Variants in ATP9A observed in about 807,000 individuals in gnomAD.
The protein encoded by ATP9A is probable phospholipid-transporting ATPase IIA.
ATP9A carries 52 observed loss-of-function variants against 144.1 expected under a neutral mutation model. The observed-to-expected ratio is 0.36, with a 90% CI of 0.29 to 0.45. The LOEUF is 0.45. ATP9A is among the 20% of genes least tolerant of loss of function. The pLI, the probability that ATP9A is intolerant of heterozygous loss-of-function variation, is 1.00. For synonymous variants in ATP9A, 582 were observed against 557.4 expected, an observed-to-expected ratio of 1.04 and a Z score of -0.62; for missense variants, 947 against 1,392.7, an observed-to-expected ratio of 0.68 and a Z score of 5.09.
At chr20:51,694,472 G>A (rs924628449) in intron 6 of ATP9A, among the ~76,000 whole-genome samples, 13 of 152,168 alleles carry the variant, frequency 8.5e-5, no homozygotes, top group Admixed American at 3.3e-4. Flanking sequence ...GCCAGGCATC[G>A]CCAGCACCTT....
intron 1 of ATP9A, among the ~76,000 whole-genome samples, chr20:51,730,383 G>A (rs140870770): frequency 1.1e-3 from 172 of 152,274 alleles, no homozygotes; most frequent in African/African-American, 3.8e-3. Context: ...GAGGATAATC[G>A]CTTGAAACCA....
chr20:51,757,645 C>T (rs901596732), intron 1 of ATP9A, among the ~76,000 whole-genome samples: 3 of 152,170 alleles, frequency 2.0e-5, no homozygotes, highest in African/African-American at 7.2e-5. Flanking sequence ...TGGCTGCTGC[C>T]TGTAGTCCCA....
chr20:51,660,989 A>G (rs2077408217), intron 13 of ATP9A, among the ~76,000 whole-genome samples: 1 of 152,232 alleles, frequency 6.6e-6, no homozygotes, highest in Admixed American at 6.5e-5. Context: ...ACACGAGGTC[A>G]GAAGTGACTT....
intron 8 of ATP9A, among the ~76,000 whole-genome samples, chr20:51,689,826 C>T (rs900404182): frequency 4.6e-5 from 7 of 151,702 alleles, no homozygotes; most frequent in African/African-American, 1.7e-4. Flanking sequence ...TAAAAGAGGA[C>T]AAAGTCAGGT....
chr20:51,608,060 A>AAAG (rs1555827504), intron 25 of ATP9A, among the ~76,000 whole-genome samples: 1 of 148,474 alleles, frequency 6.7e-6, no homozygotes. Context: ...AAAAAAAAAA[A>AAAG]GAATTAACAT....
In ATP9A at chr20:51,622,127, C is replaced by A. The variant is rs754881577; in HGVS notation, c.2062G>T (p.Ala688Ser). 1 of 1,614,036 alleles carries A rather than the reference C, an allele frequency of 6.2e-7. No homozygotes were observed. The highest frequency in any genetic ancestry group is 8.5e-7 in the Non-Finnish European group (1 of 1,180,040). Reference sequence around the variant, plus strand: ...CTGGTCACCAGATGTGCATTCTTCGCTGTGCACGTAGCTGTCTCCAGCTTG... The same window carrying A: ...CTGGTCACCAGATGTGCATTCTTCGATGTGCACGTAGCTGTCTCCAGCTTG... ...GDKLETATCTAKNAHLVTRNQ... is the reference protein window; with the variant it reads ...GDKLETATCTSKNAHLVTRNQ... The change falls in exon 19 of 28, where the codon GCG becomes TCG. Residue 688 changes from alanine to serine, a missense_variant. Around this residue, in one of 2 missense-constraint regions of ATP9A, gnomAD observed 770 missense variants for 1,047.9 expected, o/e 0.73. Transcript: ENST00000338821.
intron 1 of ATP9A, among the ~76,000 whole-genome samples, chr20:51,745,517 C>A (rs1231360626): frequency 6.6e-6 from 1 of 152,102 alleles, no homozygotes; most frequent in Non-Finnish European, 1.5e-5. Context: ...TTGCCCCCTG[C>A]AGACATTTGG....
At chr20:51,715,747 C>T (rs1330620469) in intron 3 of ATP9A, among the ~76,000 whole-genome samples, 2 of 152,158 alleles carry the variant, frequency 1.3e-5, no homozygotes, top group Non-Finnish European at 2.9e-5. Flanking sequence ...CAAAGAGATG[C>T]AAATGTAGTC....
At chr20:51,713,908 G>GT (rs2077650589) in intron 3 of ATP9A, among the ~76,000 whole-genome samples, 1 of 152,118 alleles carries the variant, frequency 6.6e-6, no homozygotes, top group East Asian at 1.9e-4. Flanking sequence ...AATGTCTTCA[G>GT]TTTTTTGTTT....
At chr20:51,680,246 A>AAG (rs2077494660) in intron 9 of ATP9A, among the ~76,000 whole-genome samples, 1 of 140,780 alleles carries the variant, frequency 7.1e-6, no homozygotes, top group African/African-American at 2.5e-5. Flanking sequence ...AAAAAAAAAA[A>AAG]CTTGTGGCAA....
chr20:51,760,855 T>A (rs1163061929), intron 1 of ATP9A, among the ~76,000 whole-genome samples: 1 of 151,894 alleles, frequency 6.6e-6, no homozygotes, highest in African/African-American at 2.4e-5. Context: ...AAACCCTGTC[T>A]CTACTAAAAA....
chr20:51,762,594 G>A (rs1439618938), intron 1 of ATP9A, among the ~76,000 whole-genome samples: 2 of 151,964 alleles, frequency 1.3e-5, no homozygotes, highest in Admixed American at 6.6e-5. Flanking sequence ...GGGAGGTGGA[G>A]GTTGCAGTGA....
chr20:51,763,241 T>A (rs1026311262), intron 1 of ATP9A, among the ~76,000 whole-genome samples: 2 of 151,584 alleles, frequency 1.3e-5, no homozygotes, highest in African/African-American at 4.8e-5. Flanking sequence ...GATGGAAACA[T>A]TCAAAACCCA....
chr20:51,653,767 A>C (rs1272697839), intron 14 of ATP9A, among the ~76,000 whole-genome samples: 1 of 151,960 alleles, frequency 6.6e-6, no homozygotes, highest in Admixed American at 6.6e-5. Context: ...AGCCTGGGCG[A>C]CAGAGCAAAA....
chr20:51,665,580 C>G (rs1351409934), intron 13 of ATP9A, among the ~76,000 whole-genome samples: 1 of 151,992 alleles, frequency 6.6e-6, no homozygotes. Context: ...AAAAATTAGC[C>G]AGGTGTGTTG....
At chr20:51,615,278 A>G (rs114404887) in intron 22 of ATP9A, among the ~76,000 whole-genome samples, 2,184 of 152,302 alleles carry the variant, frequency 0.014, 54 homozygotes, top group African/African-American at 0.05. Context: ...AGGGTAGATG[A>G]ATGCTCACTG....
intron 22 of ATP9A, among the ~76,000 whole-genome samples, chr20:51,616,493 A>G (rs1601058286): frequency 6.6e-6 from 1 of 151,974 alleles, no homozygotes; most frequent in African/African-American, 2.4e-5. Flanking sequence ...TAATTTTTGT[A>G]TTTTTAGTAG....
At chr20:51,645,484 C>G (rs751611745) in intron 14 of ATP9A, among the ~76,000 whole-genome samples, 1 of 152,078 alleles carries the variant, frequency 6.6e-6, no homozygotes, top group South Asian at 2.1e-4. Flanking sequence ...CGCGCCTGGG[C>G]GACAGAGTGA....
chr20:51,617,680 A>G (rs539140683), intron 21 of ATP9A, 126 bp from the exon 22 acceptor site: 156 of 1,014,374 alleles, frequency 1.5e-4, no homozygotes, highest in Non-Finnish European at 2.1e-4. Flanking sequence ...TGCCCCGTCC[A>G]TTCCATCTCT....
Sources: gnomAD v4.1 joint callset for allele counts (sites outside exome capture counted in the v4.1 genomes callset) on GRCh38, gnomAD v4.1.1 for gene constraint, gnomAD v4.1.1 regional missense constraint, MANE v1.5 for transcripts, NCBI Gene and HGNC (gene_info 2026-07-23, HGNC 2026-07-21) for gene names.